ATP1A3: variants seen among roughly 807,000 people sequenced by gnomAD.
ATP1A3 encodes sodium/potassium-transporting ATPase subunit alpha-3.
Under a neutral mutation model 108.8 loss-of-function variants are expected in ATP1A3, and 12 were observed. The observed-to-expected ratio is 0.11, with a 90% confidence interval of 0.07 to 0.18. The LOEUF (loss-of-function observed/expected upper bound fraction) is 0.18. Among genes scored for constraint, ATP1A3 ranks in the 10% least tolerant of loss-of-function variants. ATP1A3 has a pLI of 1.00. For missense variants in ATP1A3, 498 were observed against 1,387.7 expected (o/e 0.36, Z 10.19); for synonymous variants, 539 against 564.5 (o/e 0.95, Z 0.64).
Position 41,978,076 on chromosome 19 carries a change from C to T in ATP1A3, c.1807-4G>A, listed in dbSNP as rs782149339. The T allele has an allele frequency of 6.2e-7, 1 of 1,614,252 alleles. No homozygotes were observed. The highest frequency in any genetic ancestry group is 8.5e-7 in the Non-Finnish European group (1 of 1,180,042). ...GATCGCCGGTGACCATGATGACCTG[C>T]AGGCATTGTTTTTTAGGGATGGCCT... On this transcript the variant is annotated splice_region_variant and splice_polypyrimidine_tract_variant and intron_variant, in intron 13 of 22. Transcript: ENST00000648268. The surrounding 1 kb of genome is among the most constrained non-coding windows in gnomAD (Gnocchi z 8.3).
chr19:41,990,533 C>A (rs375575013), intron 1 of ATP1A3, among the ~76,000 whole-genome samples: 9 of 144,470 alleles, frequency 6.2e-5, no homozygotes, highest in Non-Finnish European at 1.2e-4. Context: ...AATCTTCCGT[C>A]CCCCTCCTTC....
At chr19:41,986,810 T>G (rs903871484) in intron 4 of ATP1A3, 1 of 149,894 alleles carries the variant, frequency 6.7e-6, no homozygotes, top group Non-Finnish European at 1.4e-5. Context: ...TGGCACAATC[T>G]CAGTTCACTG....
intron 1 of ATP1A3, chr19:41,993,550 C>T: frequency 2.0e-6 from 2 of 1,020,962 alleles, no homozygotes; most frequent in Non-Finnish European, 2.7e-6. Context: ...CACACACACA[C>T]TGCGGAGTCC....
Position 41,988,287 on chromosome 19 carries a change from C to T in ATP1A3, c.153+31G>A. ...AGCCCCCAGCTCCTCCTCCCTAGTT[C>T]CCAGGGTCCCAGCCCACAGCCTGGC... is the stretch of plus-strand genomic sequence containing the variant. On this transcript the variant is annotated intron_variant, in intron 3 of 22. Coordinates refer to ENST00000648268, the MANE Select transcript of ATP1A3 (RefSeq NM_152296.5). This position sits in a 1 kb window ranked among gnomAD's most constrained non-coding sequence, Gnocchi z 5.3. The T allele has an allele frequency of 1.2e-6, 2 of 1,614,014 alleles. No homozygotes were observed. Among genetic ancestry groups the T allele is most frequent in the Non-Finnish European group, 1.7e-6 (2 of 1,179,888 alleles).
rs782559636 is a variant in ATP1A3 at position 41,981,574 on chromosome 19, G to A, written c.1365C>T (p.Gly455=). 2 of 1,614,208 alleles carry A rather than the reference G, an allele frequency of 1.2e-6. No individual in the cohort carries two copies. The highest frequency in any genetic ancestry group is 3.3e-5 in the Admixed American group (2 of 60,016). The change falls in exon 11 of 23, where the codon GGC becomes GGT. Residue 455 remains glycine, a synonymous_variant. Transcript: ENST00000648268. This position sits in a 1 kb window ranked among gnomAD's most constrained non-coding sequence, Gnocchi z 5.0. ...ALLKCIELSS[G]SVKLMRERNK... The stretch of plus-strand genomic sequence containing the variant: ...TGCGTTCACGCATCAGCTTCACGGA[G>A]CCAGAGGACAGCTCGATGCACTTGA...
chr19:41,991,879 C>CT (rs2075342558), intron 1 of ATP1A3, among the ~76,000 whole-genome samples: 1 of 135,348 alleles, frequency 7.4e-6, no homozygotes, highest in East Asian at 2.3e-4. Flanking sequence ...GGGGCTGGGG[C>CT]TGGACCCTTG....
rs550458553 is a variant in ATP1A3 at position 41,988,642 on chromosome 19, A to G, written c.7-80T>C. The G allele has an allele frequency of 5.6e-6, 9 of 1,611,006 alleles. No individual in the cohort carries two copies. In the East Asian group the frequency reaches 6.7e-5, roughly 12 times the overall value. ...GGTTCCAGGAGGACACCGGCCCTCC[A>G]TGCCCCAGCTATCCTCCTGGCCGGT... On this transcript the variant is annotated intron_variant, in intron 1 of 22. Coordinates refer to ENST00000648268, the MANE Select transcript of ATP1A3 (RefSeq NM_152296.5). This position sits in a 1 kb window ranked among gnomAD's most constrained non-coding sequence, Gnocchi z 5.3.
intron 11 of ATP1A3, among the ~76,000 whole-genome samples, chr19:41,979,624 T>C (rs1301781788): frequency 6.6e-6 from 1 of 152,124 alleles, no homozygotes; most frequent in Non-Finnish European, 1.5e-5. Flanking sequence ...TCCATTTTTA[T>C]GAAATGTCCA....
rs1392975420 is a variant in ATP1A3 at position 41,970,293 on chromosome 19, G to C, written c.2434C>G (p.Leu812Val). ...TCGCTTTCGGCAGCCTCGTACGCCA[G>C]TGAGATGGCAGGGACCTAGGCGGAG... ...LGTDMVPAIS[L>V]AYEAAESDIM... The change falls in exon 18 of 23, where the codon CTG becomes GTG. Residue 812 changes from leucine to valine, a missense_variant. Coordinates refer to ENST00000648268, the MANE Select transcript of ATP1A3 (RefSeq NM_152296.5). 1 of 1,614,044 alleles carries C rather than the reference G, an allele frequency of 6.2e-7. No homozygotes were observed. Among genetic ancestry groups the C allele is most frequent in the Non-Finnish European group, 8.5e-7 (1 of 1,180,038 alleles).
rs2075233749 is a variant in ATP1A3, at chr19:41,981,699, G to A, written c.1302+23C>T. 2 of 1,614,114 alleles carry A rather than the reference G, an allele frequency of 1.2e-6. No homozygotes were observed. Among genetic ancestry groups the A allele is most frequent in the Non-Finnish European group, 1.7e-6 (2 of 1,180,036 alleles). On this transcript the variant is annotated intron_variant, in intron 10 of 22. Coordinates refer to ENST00000648268, the MANE Select transcript of ATP1A3 (RefSeq NM_152296.5). The surrounding 1 kb of genome is among the most constrained non-coding windows in gnomAD (Gnocchi z 5.0). ...AGGGGAGGACACAGGCAGGGCCGAG[G>A]TGAGGCCAGTAGCTGAACCCACCTT...
At chr19:41,972,775 G>A (rs565610997) in intron 16 of ATP1A3, among the ~76,000 whole-genome samples, 5 of 147,854 alleles carry the variant, frequency 3.4e-5, no homozygotes, top group Admixed American at 6.8e-5. Context: ...AAAAGGGGAG[G>A]GGAGGGGAGG....
chr19:41,982,458 C>G (rs569512908), intron 8 of ATP1A3, among the ~76,000 whole-genome samples: 10 of 151,910 alleles, frequency 6.6e-5, no homozygotes, highest in Non-Finnish European at 1.3e-4. Flanking sequence ...AAACCCCATC[C>G]CTACTAAAAA....
chr19:41,978,483 T>C lies in ATP1A3; in HGVS notation c.1630+123A>G, dbSNP rs544275868. 249 of 1,423,052 alleles carry C rather than the reference T, an allele frequency of 1.7e-4. 1 individual carries two copies. Among genetic ancestry groups the C allele is most frequent in the Admixed American group, 3.9e-4 (22 of 55,902 alleles). The allele number at this position is 1,423,052 out of a possible 1,614,324, so 88.2% of individuals were successfully genotyped here. A position where few individuals can be genotyped will look rare whatever the true frequency, so the allele number is the denominator to read the frequency against. On this transcript the variant is annotated intron_variant, in intron 12 of 22. Transcript: ENST00000648268. The surrounding 1 kb of genome is among the most constrained non-coding windows in gnomAD (Gnocchi z 8.3). ...ATACCTTCCCCTCTCATCCATCCAT[T>C]CATTCATTCATTCATTCATTTACAG...
chr19:41,977,869 G>A, intron 14 of ATP1A3, 67 bp downstream of exon 14: 2 of 1,585,312 alleles, frequency 1.3e-6, no homozygotes. Context: ...AGGTTGGGGG[G>A]AAGCGGTCCC....
intron 16 of ATP1A3, among the ~76,000 whole-genome samples, chr19:41,971,679 C>T (rs2075111263): frequency 6.6e-6 from 1 of 152,144 alleles, no homozygotes; most frequent in South Asian, 2.1e-4. Flanking sequence ...CTGGAGCAGG[C>T]TCAGCACCCG....
chr19:41,967,575 G>A lies in ATP1A3; in HGVS notation c.2921+87C>T, dbSNP rs1285215442. On this transcript the variant is annotated intron_variant, in intron 21 of 22. Coordinates refer to ENST00000648268, the MANE Select transcript of ATP1A3 (RefSeq NM_152296.5). This position sits in a 1 kb window ranked among gnomAD's most constrained non-coding sequence, Gnocchi z 4.2. ...GACTGCAGTGGGGACACCAGGGGAG[G>A]TGGGGCCTGAGGTTCAGGCTGAGTC... The A allele has an allele frequency of 4.2e-6, 6 of 1,414,088 alleles. No homozygotes were observed. In the African/African-American group the frequency reaches 7.1e-5, roughly 17 times the overall value. The allele number at this position is 1,414,088 out of a possible 1,614,324, so 87.6% of individuals were successfully genotyped here.
chr19:41,988,688 G>A lies in ATP1A3; in HGVS notation c.7-126C>T. 3.2e-6 allele frequency: 5 copies of A among 1,577,730 alleles called. No homozygotes were observed. The highest frequency in any genetic ancestry group is 4.3e-6 in the Non-Finnish European group (5 of 1,165,044). ...CCGGTGCCCCTGCATCTCTGGGTGGGGGGTCTCTGTCTGCCTCTCGGGGTC... is the reference window on the plus strand; with the variant it reads ...CCGGTGCCCCTGCATCTCTGGGTGGAGGGTCTCTGTCTGCCTCTCGGGGTC... On this transcript the variant is annotated intron_variant, in intron 1 of 22. Transcript: ENST00000648268. This position sits in a 1 kb window ranked among gnomAD's most constrained non-coding sequence, Gnocchi z 5.3.
At chr19:41,972,867 AAGGAAGGC>A (rs1568856428) in intron 16 of ATP1A3, among the ~76,000 whole-genome samples, 6 of 129,994 alleles carry the variant, frequency 4.6e-5, no homozygotes, top group African/African-American at 1.6e-4. Flanking sequence ...GGAAAGAAGG[AAGGAAGGC>A]AGGCAGGCAG....
In ATP1A3 at chr19:41,988,305, A is replaced by T; in HGVS notation, c.153+13T>A. 6.2e-7 allele frequency: 1 copy of T among 1,614,026 alleles called. No individual in the cohort carries two copies. ...CCTAGTTCCCAGGGTCCCAGCCCACAGCCTGGCCACACCTGCACACAGTCT... is the reference window on the plus strand; with the variant it reads ...CCTAGTTCCCAGGGTCCCAGCCCACTGCCTGGCCACACCTGCACACAGTCT... On this transcript the variant is annotated intron_variant, in intron 3 of 22. Coordinates refer to ENST00000648268, the MANE Select transcript of ATP1A3 (RefSeq NM_152296.5). This position sits in a 1 kb window ranked among gnomAD's most constrained non-coding sequence, Gnocchi z 5.3.
Sources: gnomAD v4.1 joint callset for allele counts (sites outside exome capture counted in the v4.1 genomes callset) on GRCh38, gnomAD v4.1.1 for gene constraint, Gnocchi (gnomAD v3.1) non-coding constraint, MANE v1.5 for transcripts, NCBI Gene and HGNC (gene_info 2026-07-23, HGNC 2026-07-21) for gene names.